Variants in ITSN1 observed in about 807,000 individuals in gnomAD.
ITSN1 encodes the protein intersectin-1.
In ITSN1, 58 loss-of-function variants were observed where a neutral mutation model predicts 239.8. The ratio of observed to expected loss-of-function variants is 0.24; its 90% CI spans 0.20 to 0.30. The LOEUF (loss-of-function observed/expected upper bound fraction) is 0.30. Among genes scored for constraint, ITSN1 ranks in the 10% least tolerant of loss-of-function variants. The pLI, the probability that ITSN1 is intolerant of heterozygous loss-of-function variation, is 1.00. For missense variants in ITSN1, 1,558 were observed against 2,103.3 expected (o/e 0.74, Z 5.07); for synonymous variants, 780 against 770.8 (o/e 1.01, Z -0.20).
At chr21:33,665,116 A>G (rs1399824148) in intron 1 of ITSN1, among the ~76,000 whole-genome samples, 1 of 152,176 alleles carries the variant, frequency 6.6e-6, no homozygotes, top group African/African-American at 2.4e-5. Flanking sequence ...TACAAAAATT[A>G]GCTGGGCGTG....
At position 33,776,753 on chromosome 21, in the gene ITSN1, T is replaced by C. The variant is rs1819672767; in HGVS notation, c.1596+1645T>C. ...GTCTGAACAAATCTTTTGCCCATTTTTTATTGGGCTGTTTGTCTTACTATT... is the reference window on the plus strand; with the variant it reads ...GTCTGAACAAATCTTTTGCCCATTTCTTATTGGGCTGTTTGTCTTACTATT... On this transcript the variant is annotated intron_variant, in intron 14 of 39. Transcript: ENST00000381318. 3.9e-5 allele frequency among the ~76,000 whole-genome samples: 6 copies of C among 152,178 alleles called. No homozygotes were observed. The South Asian group carries it at 1.2e-3, about 32-fold the overall frequency.
rs900980632 is a variant in ITSN1 at position 33,894,680 on chromosome 21, A to G, written c.*6380A>G. ...TGGTTTTATACTTTTATCTTTTGAAAGAATAACATTCCTGTGCGACTCTGC... is the reference window on the plus strand; with the variant it reads ...TGGTTTTATACTTTTATCTTTTGAAGGAATAACATTCCTGTGCGACTCTGC... On this transcript the variant is annotated 3_prime_UTR_variant, in exon 40 of 40. Transcript: ENST00000381318. The G allele has an allele frequency of 6.6e-6, 1 of 152,240 alleles. No individual in the cohort carries two copies. Among genetic ancestry groups the G allele is most frequent in the Non-Finnish European group, 1.5e-5 (1 of 68,044 alleles). 9.4% of individuals were successfully genotyped at this position (152,240 alleles called of 1,614,324 possible). A position where few individuals can be genotyped will look rare whatever the true frequency, so the allele number is the denominator to read the frequency against.
intron 22 of ITSN1, 127 bp downstream of exon 22, chr21:33,814,199 A>G (rs1602396308): frequency 1.3e-5 from 8 of 638,444 alleles, no homozygotes; most frequent in East Asian, 1.4e-4. Flanking sequence ...GGCTGGCAGT[A>G]TGGGAATCCA....
At position 33,759,733 on chromosome 21, in the gene ITSN1, A is replaced by G. The variant is rs764943408; in HGVS notation, c.725-2190A>G. The stretch of plus-strand genomic sequence containing the variant: ...ACACATCCAGCAGGAATGTGTTCAT[A>G]TATTCACCAAAAGTTAGAATGCTCA... On this transcript the variant is annotated intron_variant, in intron 8 of 39. Transcript: ENST00000381318. Among the ~76,000 whole-genome samples the G allele has an allele frequency of 2.8e-4, 42 of 152,188 alleles. 1 individual carries two copies. Among genetic ancestry groups the G allele is most frequent in the Non-Finnish European group, 5.1e-4 (35 of 68,034 alleles).
intron 34 of ITSN1, among the ~76,000 whole-genome samples, chr21:33,875,794 C>T (rs1382998066): frequency 1.3e-5 from 2 of 152,208 alleles, no homozygotes; most frequent in African/African-American, 2.4e-5. Context: ...GATTCTCCTG[C>T]CTCAGCCTCC....
intron 4 of ITSN1, among the ~76,000 whole-genome samples, chr21:33,723,107 T>G (rs1340210638): frequency 6.6e-6 from 1 of 152,248 alleles, no homozygotes; most frequent in Non-Finnish European, 1.5e-5. Flanking sequence ...ATTATTTGAC[T>G]ATCACAAATA....
intron 8 of ITSN1, among the ~76,000 whole-genome samples, chr21:33,761,115 G>T (rs1051319384): frequency 1.3e-5 from 2 of 149,732 alleles, no homozygotes; most frequent in Admixed American, 6.7e-5. Context: ...TCACTCTGTT[G>T]CCCAGGATGG....
chr21:33,650,013 A>G (rs2088359055), intron 1 of ITSN1, among the ~76,000 whole-genome samples: 1 of 149,204 alleles, frequency 6.7e-6, no homozygotes, highest in African/African-American at 2.5e-5. Flanking sequence ...TTGGCGACAG[A>G]GCGAGACTCT....
intron 14 of ITSN1, among the ~76,000 whole-genome samples, chr21:33,775,314 G>A (rs924685831): frequency 1.3e-5 from 2 of 152,146 alleles, no homozygotes; most frequent in Admixed American, 6.5e-5. Context: ...GCACTGCTTC[G>A]GGCCAGGTGC....
chr21:33,866,783 A>G (rs2070393), intron 32 of ITSN1, among the ~76,000 whole-genome samples: 51,617 of 152,106 alleles, frequency 0.34, 8,903 homozygotes, highest in East Asian at 0.44. Flanking sequence ...AGGCACGTGC[A>G]GGCTCCACTC....
intron 2 of ITSN1, among the ~76,000 whole-genome samples, chr21:33,719,492 C>T (rs76179541): frequency 0.044 from 6,744 of 152,206 alleles, 502 homozygotes; most frequent in African/African-American, 0.15. Context: ...GTAAAATGTT[C>T]GCTACATCTA....
At chr21:33,695,696 T>C (rs1197616619) in intron 1 of ITSN1, among the ~76,000 whole-genome samples, 1 of 152,194 alleles carries the variant, frequency 6.6e-6, no homozygotes, top group South Asian at 2.1e-4. Flanking sequence ...CTAAAGAAAA[T>C]AAGAAATTGA....
intron 30 of ITSN1, 57 bp downstream of exon 30, chr21:33,856,914 G>T: frequency 6.5e-7 from 1 of 1,539,218 alleles, no homozygotes; most frequent in South Asian, 1.1e-5. Flanking sequence ...AGGGAGAGGG[G>T]AGGGTTCCGT....
At position 33,888,406 on chromosome 21, in the gene ITSN1, A is replaced by C; in HGVS notation, c.*106A>C. ...AAACCACCATTTGGTATTCAGTCAC[A>C]GGGATATGGGATGGCAAAGACAGGC... On this transcript the variant is annotated 3_prime_UTR_variant, in exon 40 of 40. Transcript: ENST00000381318. 3 of 1,212,168 alleles carry C rather than the reference A, an allele frequency of 2.5e-6. No individual in the cohort carries two copies. Among genetic ancestry groups the C allele is most frequent in the Non-Finnish European group, 3.4e-6 (3 of 875,238 alleles). 75.1% of individuals were successfully genotyped at this position (1,212,168 alleles called of 1,614,324 possible).
Position 33,797,658 on chromosome 21 carries a change from G to C in ITSN1, c.2182+50G>C, listed in dbSNP as rs748055758. ...AGAAAATAAGTCATCTTCTCTCCCA[G>C]AGCCTCCTGAAAAATGCCCCTATCT... On this transcript the variant is annotated intron_variant, in intron 18 of 39. Coordinates refer to ENST00000381318, the MANE Select transcript of ITSN1 (RefSeq NM_003024.3). This position sits in a 1 kb window ranked among gnomAD's most constrained non-coding sequence, Gnocchi z 4.9. 1.3e-6 allele frequency: 2 copies of C among 1,491,818 alleles called. No individual in the cohort carries two copies. The highest frequency in any genetic ancestry group is 2.4e-5 in the South Asian group (2 of 84,726). 92.4% of individuals were successfully genotyped at this position (1,491,818 alleles called of 1,614,324 possible).
At chr21:33,868,094 A>G (rs1981981631) in intron 33 of ITSN1, among the ~76,000 whole-genome samples, 1 of 152,190 alleles carries the variant, frequency 6.6e-6, no homozygotes, top group Admixed American at 6.5e-5. Flanking sequence ...TGGCTCGGGC[A>G]GCCTGCTTTT....
intron 17 of ITSN1, among the ~76,000 whole-genome samples, chr21:33,795,605 G>A (rs2071484975): frequency 6.6e-6 from 1 of 151,904 alleles, no homozygotes; most frequent in Non-Finnish European, 1.5e-5. Context: ...AGGTATCTGG[G>A]GTCCCAGACC....
chr21:33,750,663 A>G (rs999456122), intron 6 of ITSN1, among the ~76,000 whole-genome samples: 2 of 152,238 alleles, frequency 1.3e-5, no homozygotes, highest in Non-Finnish European at 2.9e-5. Flanking sequence ...TGTATCAGTT[A>G]CTACTTTTCT....
intron 33 of ITSN1, among the ~76,000 whole-genome samples, chr21:33,869,340 G>C (rs1408282598): frequency 6.6e-6 from 1 of 152,152 alleles, no homozygotes; most frequent in Non-Finnish European, 1.5e-5. Context: ...CCAGCGAAGG[G>C]GGAAACCCCT....
Sources: gnomAD v4.1 joint callset for allele counts (sites outside exome capture counted in the v4.1 genomes callset) on GRCh38, gnomAD v4.1.1 for gene constraint, Gnocchi (gnomAD v3.1) non-coding constraint, MANE v1.5 for transcripts, NCBI Gene and HGNC (gene_info 2026-07-23, HGNC 2026-07-21) for gene names.